CATSPERE: variants seen among roughly 807,000 people sequenced by gnomAD.
The protein encoded by CATSPERE is cation channel sperm-associated auxiliary subunit epsilon.
A neutral mutation model predicts 114.1 loss-of-function variants in CATSPERE; 93 were observed. The ratio of observed to expected loss-of-function variants is 0.81; its 90% CI spans 0.69 to 0.97. The LOEUF (loss-of-function observed/expected upper bound fraction) is 0.97. Among genes scored for constraint, CATSPERE ranks in the 50% least tolerant of loss-of-function variants. CATSPERE has a pLI of 0.00. For synonymous variants in CATSPERE, 341 were observed against 384.1 expected, an observed-to-expected ratio of 0.89 and a Z score of 1.31; for missense variants, 1,058 against 1,131.6, an observed-to-expected ratio of 0.93 and a Z score of 0.93.
chr1:244,623,078 ATTTATTTAT>A (rs1672612699), intron 20 of CATSPERE, among the ~76,000 whole-genome samples: 1 of 151,160 alleles, frequency 6.6e-6, no homozygotes, highest in African/African-American at 2.4e-5. Context: ...TTATTTATTT[ATTTATTTAT>A]TTTGAGACTG....
At chr1:244,639,550 T>C (rs1353807709) in intron 21 of CATSPERE, among the ~76,000 whole-genome samples, 2 of 151,980 alleles carry the variant, frequency 1.3e-5, no homozygotes, top group South Asian at 2.1e-4. Context: ...ATTAGCTGGG[T>C]GTGGTGGTGC....
intron 20 of CATSPERE, among the ~76,000 whole-genome samples, chr1:244,625,422 A>ATTTTTTTTTTTTTTTTT (rs1349807713): frequency 2.5e-4 from 1 of 4,040 alleles, no homozygotes. Flanking sequence ...ATATATATAT[A>ATTTTTTTTTTTTTTTTT]TATATATATA....
upstream of CATSPERE, chr1:244,451,596 C>T (rs1665606954): frequency 1.3e-6 from 2 of 1,572,782 alleles, no homozygotes; most frequent in Non-Finnish European, 1.7e-6. The surrounding 1 kb of genome is among the most constrained non-coding windows in gnomAD (Gnocchi z 6.6). Context: ...AGCCCGAGCT[C>T]CCGGGCCCGG....
In CATSPERE at chr1:244,610,307, A is replaced by T; in HGVS notation, c.2471A>T (p.Glu824Val). ...MIELNKHLPL[E>V]EVWGPENYKH... ...GAACTTAACAAGCACCTCCCACTAGAAGAAGTCTGGGGACCTGAGGTAAGA... is the reference window on the plus strand; with the variant it reads ...GAACTTAACAAGCACCTCCCACTAGTAGAAGTCTGGGGACCTGAGGTAAGA... Residue 824 changes from glutamate to valine, a missense_variant, in exon 19 of 22, where the codon GAA (glutamate) becomes GTA (valine). Glu to Val is a moderately radical substitution (Grantham distance 121, BLOSUM62 -2). Around this residue, in one of 2 missense-constraint regions of CATSPERE, gnomAD observed 787 missense variants for 905.6 expected, o/e 0.87. Coordinates refer to ENST00000366534, the MANE Select transcript of CATSPERE (RefSeq NM_001130957.2). 6.2e-7 allele frequency: 1 copy of T among 1,612,480 alleles called. No homozygotes were observed. Among genetic ancestry groups the T allele is most frequent in the Non-Finnish European group, 8.5e-7 (1 of 1,178,714 alleles).
At chr1:244,543,725 C>G (rs990842208) in intron 8 of CATSPERE, among the ~76,000 whole-genome samples, 2 of 149,136 alleles carry the variant, frequency 1.3e-5, no homozygotes, top group East Asian at 3.9e-4. Flanking sequence ...CCCTTTTTTC[C>G]AGCCCTCCTC....
chr1:244,547,648 G>A (rs1206544344), intron 8 of CATSPERE, among the ~76,000 whole-genome samples: 2 of 152,072 alleles, frequency 1.3e-5, no homozygotes, highest in Non-Finnish European at 1.5e-5. Flanking sequence ...TTATGTGTAA[G>A]CCTCATGGTA....
At chr1:244,550,995 G>A (rs1660528873) in intron 8 of CATSPERE, among the ~76,000 whole-genome samples, 1 of 152,070 alleles carries the variant, frequency 6.6e-6, no homozygotes, top group East Asian at 1.9e-4. Context: ...CAAATTTTAG[G>A]TTAGCAAGAA....
At chr1:244,593,252 T>C (rs1667959852) in intron 15 of CATSPERE, 143 bp from the exon 16 acceptor site, 3 of 735,774 alleles carry the variant, frequency 4.1e-6, no homozygotes, top group Non-Finnish European at 6.9e-6. Flanking sequence ...TGTGTGGATA[T>C]ACATGTAGAA....
At chr1:244,459,676 T>C (rs1293788877), upstream of CATSPERE, among the ~76,000 whole-genome samples, 1 of 152,184 alleles carries the variant, frequency 6.6e-6, no homozygotes, top group Non-Finnish European at 1.5e-5. Context: ...ACTAAATTAT[T>C]TGTGGGTTAG....
At chr1:244,570,700 A>C (rs779357733) in intron 10 of CATSPERE, among the ~76,000 whole-genome samples, 1 of 152,262 alleles carries the variant, frequency 6.6e-6, no homozygotes, top group Non-Finnish European at 1.5e-5. Flanking sequence ...AGAAGGTGCT[A>C]TGAAAGCAAA....
chr1:244,526,265 C>T (rs1411696598), intron 8 of CATSPERE, among the ~76,000 whole-genome samples: 1 of 151,898 alleles, frequency 6.6e-6, no homozygotes, highest in Non-Finnish European at 1.5e-5. Context: ...AAAAATTAGC[C>T]AGGCATGGTG....
At chr1:244,487,885 A>G (rs1489891303) in intron 5 of CATSPERE, among the ~76,000 whole-genome samples, 1 of 152,158 alleles carries the variant, frequency 6.6e-6, no homozygotes, top group Non-Finnish European at 1.5e-5. Flanking sequence ...AATTTCAAAG[A>G]TAAATTTGTT....
Position 244,575,603 on chromosome 1 carries a change from G to A in CATSPERE, c.1950+2831G>A, listed in dbSNP as rs1665125856. On this transcript the variant is annotated intron_variant, in intron 11 of 21. Coordinates refer to ENST00000366534, the MANE Select transcript of CATSPERE (RefSeq NM_001130957.2). This position sits in a 1 kb window ranked among gnomAD's most constrained non-coding sequence, Gnocchi z 4.5. The stretch of plus-strand genomic sequence containing the variant: ...ATCCTAGCCACTGCCACTCTTCCAG[G>A]TGCTAGTAATCTACAACAATGTGGA... Among the ~76,000 whole-genome samples, 1 of 152,164 alleles carries A rather than the reference G, an allele frequency of 6.6e-6. No individual in the cohort carries two copies. The highest frequency in any genetic ancestry group is 1.5e-5 in the Non-Finnish European group (1 of 68,026).
intron 20 of CATSPERE, among the ~76,000 whole-genome samples, chr1:244,624,344 T>C (rs1195567227): frequency 6.6e-6 from 1 of 152,094 alleles, no homozygotes; most frequent in African/African-American, 2.4e-5. Flanking sequence ...CAATGTAGCA[T>C]GCGATGCTGT....
chr1:244,556,862 TAAC>T (rs2148515332), intron 9 of CATSPERE, among the ~76,000 whole-genome samples: 1 of 152,306 alleles, frequency 6.6e-6, no homozygotes, highest in African/African-American at 2.4e-5. Flanking sequence ...TTCTATACAC[TAAC>T]AACAAGCTAT....
intron 8 of CATSPERE, among the ~76,000 whole-genome samples, chr1:244,520,335 A>G (rs1035233845): frequency 3.9e-5 from 6 of 152,166 alleles, no homozygotes; most frequent in Admixed American, 6.5e-5. Context: ...AGGGGTCCAA[A>G]TGGATTCTTT....
At chr1:244,542,765 C>T (rs953522477) in intron 8 of CATSPERE, among the ~76,000 whole-genome samples, 1 of 152,078 alleles carries the variant, frequency 6.6e-6, no homozygotes, top group Non-Finnish European at 1.5e-5. Flanking sequence ...AGCCTCTGGC[C>T]CTGTCCACTT....
At chr1:244,497,192 A>G (rs1673235059) in intron 6 of CATSPERE, among the ~76,000 whole-genome samples, 1 of 152,220 alleles carries the variant, frequency 6.6e-6, no homozygotes, top group Non-Finnish European at 1.5e-5. Flanking sequence ...TAACTATATC[A>G]CAAAATCCAG....
At chr1:244,500,839 G>A (rs931385402) in intron 7 of CATSPERE, among the ~76,000 whole-genome samples, 19 of 152,140 alleles carry the variant, frequency 1.2e-4, no homozygotes, top group African/African-American at 4.6e-4. Flanking sequence ...CTCTGTTTTG[G>A]TTCCATATGA....
Sources: gnomAD v4.1 joint callset for allele counts (sites outside exome capture counted in the v4.1 genomes callset) on GRCh38, gnomAD v4.1.1 for gene constraint, gnomAD v4.1.1 regional missense constraint, Gnocchi (gnomAD v3.1) non-coding constraint, MANE v1.5 for transcripts, NCBI Gene and HGNC (gene_info 2026-07-23, HGNC 2026-07-21) for gene names.